NCAM2: variants seen among roughly 807,000 people sequenced by gnomAD.
NCAM2 encodes the protein N-CAM-2.
NCAM2 carries 30 observed loss-of-function variants against 98.1 expected under a neutral mutation model. The ratio of observed to expected loss-of-function variants is 0.31; its 90% CI spans 0.23 to 0.41. The LOEUF (loss-of-function observed/expected upper bound fraction) is 0.41. Ranked by LOEUF, NCAM2 falls within the 10% of genes least tolerant of loss-of-function variation. The pLI, the probability that NCAM2 is intolerant of heterozygous loss-of-function variation, is 1.00. For missense variants in NCAM2, 867 were observed against 1,005.8 expected (o/e 0.86, Z 1.87); for synonymous variants, 368 against 342.4 (o/e 1.07, Z -0.83).
intron 5 of NCAM2, among the ~76,000 whole-genome samples, chr21:21,307,702 A>T (rs2073928347): frequency 6.6e-6 from 1 of 152,114 alleles, no homozygotes; most frequent in Non-Finnish European, 1.5e-5. Context: ...CCTTTGAGCA[A>T]TTCCCTTCTG....
chr21:21,261,723 G>A (rs899277788), intron 1 of NCAM2, among the ~76,000 whole-genome samples: 1 of 152,104 alleles, frequency 6.6e-6, no homozygotes, highest in African/African-American at 2.4e-5. Flanking sequence ...GTGTTAAGAT[G>A]AAAGCAGTAG....
At chr21:21,091,656 C>T (rs2066014595) in intron 1 of NCAM2, among the ~76,000 whole-genome samples, 1 of 152,044 alleles carries the variant, frequency 6.6e-6, no homozygotes, top group African/African-American at 2.4e-5. Context: ...CTGAGGATAA[C>T]AAATATGATT....
At chr21:21,499,474 C>T (rs545322079) in intron 15 of NCAM2, among the ~76,000 whole-genome samples, 189 of 152,244 alleles carry the variant, frequency 1.2e-3, no homozygotes, top group African/African-American at 4.3e-3. Context: ...ACCTCCTGAC[C>T]TCATGATCTG....
Position 21,464,788 on chromosome 21 carries a change from C to T in NCAM2, c.1655-1818C>T, listed in dbSNP as rs182852382. Among the ~76,000 whole-genome samples, 5 of 152,180 alleles carry T rather than the reference C, an allele frequency of 3.3e-5. No homozygotes were observed. The East Asian group carries it at 9.7e-4, about 29-fold the overall frequency. ...AGTGTAACTATATACTTTTCTGGGG[C>T]TTAAATTATATACCATTAACTACCA... On this transcript the variant is annotated intron_variant, in intron 12 of 17. Transcript: ENST00000400546.
chr21:21,063,478 C>T (rs2065367074), intron 1 of NCAM2, among the ~76,000 whole-genome samples: 1 of 151,986 alleles, frequency 6.6e-6, no homozygotes, highest in Non-Finnish European at 1.5e-5. Flanking sequence ...GCCTCAGCCT[C>T]CCAAAGTGCT....
chr21:21,078,066 A>G (rs2065716164), intron 1 of NCAM2, among the ~76,000 whole-genome samples: 1 of 152,168 alleles, frequency 6.6e-6, no homozygotes. Context: ...TGTATATTAT[A>G]CTGTGGATAT....
In NCAM2 at chr21:21,477,348, A is replaced by G; in HGVS notation, c.1954A>G (p.Ile652Val). The stretch of plus-strand genomic sequence containing the variant: ...AGTGCAAGGAAATAAAGACCACATC[A>G]TTTTGGAGCATCTCCAGTGGACCAT... ...KKVQGNKDHI[I>V]LEHLQWTMGY... Residue 652 changes from isoleucine to valine, a missense_variant, in exon 15 of 18, where the codon ATT becomes GTT. Ile to Val is a conservative substitution (Grantham distance 29). Coordinates refer to ENST00000400546, the MANE Select transcript of NCAM2 (RefSeq NM_004540.5). 1 of 1,609,898 alleles carries G rather than the reference A, an allele frequency of 6.2e-7. No individual in the cohort carries two copies. Among genetic ancestry groups the G allele is most frequent in the Non-Finnish European group, 8.5e-7 (1 of 1,177,170 alleles).
intron 1 of NCAM2, among the ~76,000 whole-genome samples, chr21:21,122,962 C>A (rs1302272058): frequency 6.6e-6 from 1 of 152,200 alleles, no homozygotes; most frequent in African/African-American, 2.4e-5. Flanking sequence ...ATGAACCTTC[C>A]TCAGCTGACT....
Position 21,470,955 on chromosome 21 carries a change from G to C in NCAM2, c.1896+2172G>C, listed in dbSNP as rs143758513. Among the ~76,000 whole-genome samples the C allele has an allele frequency of 3.1e-3, 467 of 151,656 alleles. 1 individual carries two copies. The highest frequency in any genetic ancestry group is 5.1e-3 in the Non-Finnish European group (345 of 67,840). On this transcript the variant is annotated intron_variant, in intron 14 of 17. Coordinates refer to ENST00000400546, the MANE Select transcript of NCAM2 (RefSeq NM_004540.5). ...GGCATTGCTCACTCTTGGCTATTTT[G>C]TATTTTGTAATTAATCAAATATAAA... is the stretch of plus-strand genomic sequence containing the variant.
At chr21:21,460,863 G>C (rs949008798) in intron 12 of NCAM2, among the ~76,000 whole-genome samples, 1 of 151,718 alleles carries the variant, frequency 6.6e-6, no homozygotes, top group Non-Finnish European at 1.5e-5. Flanking sequence ...GGAGGTTAGA[G>C]TTTCCGTCAG....
At chr21:21,008,532 T>C (rs1371203633) in intron 1 of NCAM2, among the ~76,000 whole-genome samples, 3 of 152,184 alleles carry the variant, frequency 2.0e-5, no homozygotes, top group African/African-American at 7.2e-5. Context: ...GTGAAATTAC[T>C]TGCCCAAATA....
intron 9 of NCAM2, among the ~76,000 whole-genome samples, chr21:21,405,660 T>C (rs1017893235): frequency 2.6e-5 from 4 of 152,010 alleles, no homozygotes; most frequent in Non-Finnish European, 4.4e-5. Flanking sequence ...GGGCAAAAGT[T>C]CTATGAATCA....
chr21:21,237,992 G>A (rs1237737798), intron 1 of NCAM2, among the ~76,000 whole-genome samples: 4 of 124,672 alleles, frequency 3.2e-5, no homozygotes, highest in African/African-American at 1.3e-4. Context: ...GTCTCGCTCT[G>A]TCGCCCAGGC....
chr21:21,372,192 A>G (rs1339486592), intron 8 of NCAM2, among the ~76,000 whole-genome samples: 2 of 151,844 alleles, frequency 1.3e-5, no homozygotes, highest in Non-Finnish European at 2.9e-5. Flanking sequence ...AAACTCAAGA[A>G]GTGGTTATCA....
intron 8 of NCAM2, among the ~76,000 whole-genome samples, chr21:21,352,840 A>G (rs2075379145): frequency 6.6e-6 from 1 of 151,178 alleles, no homozygotes; most frequent in African/African-American, 2.4e-5. Flanking sequence ...AAAAAAAAAA[A>G]AAGAAAGTGT....
Position 21,509,099 on chromosome 21 carries a change from A to G in NCAM2, c.2282+44A>G, listed in dbSNP as rs201985086. ...CATCATGTCATATTAAACAAGCGCC[A>G]CAGTCAAGCTCGAGTGCTTTACCTG... is the stretch of plus-strand genomic sequence containing the variant. On this transcript the variant is annotated intron_variant, in intron 16 of 17. Transcript: ENST00000400546. The G allele has an allele frequency of 3.1e-3, 4,961 of 1,599,900 alleles. 14 individuals are homozygous for G. The highest frequency in any genetic ancestry group is 3.7e-3 in the Non-Finnish European group (4,281 of 1,169,266).
At chr21:21,480,366 C>CAAAAAAAAAAAAAAAAAAAAAAAAA (rs59203448) in intron 15 of NCAM2, among the ~76,000 whole-genome samples, 5 of 69,946 alleles carry the variant, frequency 7.1e-5, no homozygotes, top group African/African-American at 3.0e-4. Context: ...GACTCCATCT[C>CAAAAAAAAAAAAAAAAAAAAAAAAA]AAAAAAAAAA....
chr21:21,498,389 C>G (rs1987394571), intron 15 of NCAM2, among the ~76,000 whole-genome samples: 1 of 152,148 alleles, frequency 6.6e-6, no homozygotes, highest in Non-Finnish European at 1.5e-5. Flanking sequence ...ACAGCCATCA[C>G]AGACATTACT....
intron 1 of NCAM2, among the ~76,000 whole-genome samples, chr21:21,102,331 A>AT (rs1464680129): frequency 1.3e-5 from 2 of 152,066 alleles, no homozygotes; most frequent in African/African-American, 4.8e-5. Context: ...TTTTACTTAT[A>AT]TTTTTTAATT....
Sources: allele counts gnomAD v4.1 joint callset (sites outside exome capture counted in the v4.1 genomes callset), GRCh38; gene constraint gnomAD v4.1.1; transcripts MANE v1.5; gene names NCBI Gene and HGNC (gene_info 2026-07-23, HGNC 2026-07-21).